CACNA2D3: variants seen among roughly 807,000 people sequenced by gnomAD.
CACNA2D3 encodes voltage-dependent calcium channel subunit alpha-2/delta-3.
In CACNA2D3, 60 loss-of-function variants were observed where a neutral mutation model predicts 160.6. The observed-to-expected ratio is 0.37, with a 90% confidence interval of 0.30 to 0.46. The LOEUF is 0.46. CACNA2D3 is among the 20% of genes least tolerant of loss of function. The pLI is 1.00. For missense variants in CACNA2D3, 1,205 were observed against 1,365.0 expected (o/e 0.88, Z 1.85); for synonymous variants, 558 against 492.9 (o/e 1.13, Z -1.75).
chr3:54,273,599 G>A (rs1702665614), intron 2 of CACNA2D3, among the ~76,000 whole-genome samples: 1 of 152,202 alleles, frequency 6.6e-6, no homozygotes, highest in African/African-American at 2.4e-5. Context: ...GCTGTCTGAA[G>A]TGCAGGCAAT....
chr3:54,792,161 T>C (rs1218041373), intron 13 of CACNA2D3, among the ~76,000 whole-genome samples: 1 of 152,108 alleles, frequency 6.6e-6, no homozygotes, highest in Non-Finnish European at 1.5e-5. Flanking sequence ...ACATGGCAGG[T>C]GTGTAGCTCT....
At chr3:54,185,169 T>C (rs1375165317) in intron 2 of CACNA2D3, among the ~76,000 whole-genome samples, 1 of 152,232 alleles carries the variant, frequency 6.6e-6, no homozygotes, top group Non-Finnish European at 1.5e-5. Flanking sequence ...ATTGTTGTAC[T>C]TTTCAGATTG....
At chr3:54,815,554 T>A (rs974192022) in intron 13 of CACNA2D3, among the ~76,000 whole-genome samples, 3 of 152,216 alleles carry the variant, frequency 2.0e-5, no homozygotes, top group African/African-American at 7.2e-5. Flanking sequence ...GCACTTCTGA[T>A]GTCATAAGCT....
intron 4 of CACNA2D3, among the ~76,000 whole-genome samples, chr3:54,436,516 G>A (rs192150772): frequency 1.2e-3 from 183 of 152,244 alleles, no homozygotes; most frequent in African/African-American, 4.1e-3. Flanking sequence ...TAGCAAAGAC[G>A]TGGAACCAAC....
At chr3:54,407,731 A>G (rs958686090) in intron 4 of CACNA2D3, among the ~76,000 whole-genome samples, 6 of 152,096 alleles carry the variant, frequency 3.9e-5, no homozygotes, top group South Asian at 2.1e-4. Flanking sequence ...GACCTTGACT[A>G]TTGGTCAAAT....
intron 17 of CACNA2D3, among the ~76,000 whole-genome samples, chr3:54,852,665 A>G (rs1226889262): frequency 6.6e-6 from 1 of 152,186 alleles, no homozygotes; most frequent in African/African-American, 2.4e-5. Context: ...TAGTGGTTAT[A>G]GATGGGTCCT....
intron 2 of CACNA2D3, among the ~76,000 whole-genome samples, chr3:54,233,011 T>C (rs1701804815): frequency 6.6e-6 from 1 of 152,064 alleles, no homozygotes; most frequent in Non-Finnish European, 1.5e-5. Flanking sequence ...CGCAATAAGG[T>C]GAATGCTCTG....
At chr3:55,016,686 T>C (rs1703333057) in intron 34 of CACNA2D3, among the ~76,000 whole-genome samples, 1 of 152,344 alleles carries the variant, frequency 6.6e-6, no homozygotes, top group Non-Finnish European at 1.5e-5. Context: ...TTCCCCTTAA[T>C]GTCAGTGACC....
intron 9 of CACNA2D3, among the ~76,000 whole-genome samples, chr3:54,621,256 CAG>C (rs1384426387): frequency 2.0e-5 from 3 of 152,210 alleles, no homozygotes; most frequent in Non-Finnish European, 4.4e-5. Context: ...GCTGTGATCA[CAG>C]AGAGTCATCA....
intron 11 of CACNA2D3, among the ~76,000 whole-genome samples, chr3:54,677,626 G>T (rs974591068): frequency 1.4e-4 from 21 of 148,644 alleles, no homozygotes; most frequent in Middle Eastern, 3.5e-3. Context: ...TTTTTGGGGG[G>T]GGGGCAACGT....
intron 5 of CACNA2D3, among the ~76,000 whole-genome samples, chr3:54,554,844 A>C (rs1292154354): frequency 9.8e-6 from 1 of 101,812 alleles, no homozygotes; most frequent in African/African-American, 3.9e-5. Context: ...GACTTTATTT[A>C]TTTCTTTTCT....
At position 54,365,237 on chromosome 3, in the gene CACNA2D3, A is replaced by C. The variant is rs925392341; in HGVS notation, c.322-21478A>C. On this transcript the variant is annotated intron_variant, in intron 3 of 37. Transcript: ENST00000474759. ...TGAATCTTTAGTCAACAGACAATTC[A>C]GTGACTTCTGGGCTCAAGACGCTCC... is the stretch of plus-strand genomic sequence containing the variant. 3.9e-5 allele frequency among the ~76,000 whole-genome samples: 6 copies of C among 152,346 alleles called. 1 individual carries two copies. Among genetic ancestry groups the C allele is most frequent in the Admixed American group, 6.5e-5 (1 of 15,308 alleles).
chr3:54,461,934 A>C (rs974034778), intron 4 of CACNA2D3, among the ~76,000 whole-genome samples: 30 of 152,190 alleles, frequency 2.0e-4, no homozygotes, highest in Non-Finnish European at 3.1e-4. Context: ...ATTTCCCTCT[A>C]CACACTGCTT....
chr3:54,535,997 A>C (rs1433365435), intron 5 of CACNA2D3, among the ~76,000 whole-genome samples: 1 of 152,266 alleles, frequency 6.6e-6, no homozygotes, highest in African/African-American at 2.4e-5. Context: ...TTCAACTTAC[A>C]GAGGATCTCT....
chr3:54,465,758 A>G (rs1270451557), intron 4 of CACNA2D3, among the ~76,000 whole-genome samples: 1 of 152,232 alleles, frequency 6.6e-6, no homozygotes, highest in Non-Finnish European at 1.5e-5. Flanking sequence ...CTATTGTTGC[A>G]TAACTCGTTA....
At chr3:55,023,848 A>G (rs989786321) in intron 35 of CACNA2D3, among the ~76,000 whole-genome samples, 1 of 151,490 alleles carries the variant, frequency 6.6e-6, no homozygotes, top group Non-Finnish European at 1.5e-5. Context: ...CTCATGGGCA[A>G]TATTGGTTTT....
At chr3:54,885,623 G>A (rs1699906076) in intron 23 of CACNA2D3, 37 bp downstream of exon 23, 3 of 1,504,374 alleles carry the variant, frequency 2.0e-6, no homozygotes, top group Non-Finnish European at 2.8e-6. Flanking sequence ...TGCCTTCAGG[G>A]GTGATGGTGG....
chr3:55,063,303 C>T (rs912373895), intron 35 of CACNA2D3, among the ~76,000 whole-genome samples: 3 of 151,682 alleles, frequency 2.0e-5, no homozygotes, highest in African/African-American at 4.8e-5. Context: ...TCAGGTCATC[C>T]GTAAGCATAC....
intron 9 of CACNA2D3, among the ~76,000 whole-genome samples, chr3:54,601,389 A>G (rs565473452): frequency 8.5e-4 from 129 of 152,166 alleles, no homozygotes; most frequent in African/African-American, 2.9e-3. Flanking sequence ...TGGATTTTTT[A>G]TAGAAACGGG....
Sources: allele counts gnomAD v4.1 joint callset (sites outside exome capture counted in the v4.1 genomes callset), GRCh38; gene constraint gnomAD v4.1.1; transcripts MANE v1.5; gene names NCBI Gene and HGNC (gene_info 2026-07-23, HGNC 2026-07-21).